Variants in MMP13 observed in about 807,000 individuals in gnomAD.
MMP13 encodes matrix metallopeptidase 13.
A neutral mutation model predicts 52.1 loss-of-function variants in MMP13; 45 were observed. The ratio of observed to expected loss-of-function variants is 0.86; its 90% CI spans 0.68 to 1.11. MMP13 has a LOEUF of 1.11. MMP13 is among the 50% of genes least tolerant of loss of function. MMP13 has a pLI of 0.00. For synonymous variants in MMP13, 200 were observed against 204.4 expected (o/e 0.98, Z 0.18); for missense variants, 576 against 583.8 (o/e 0.99, Z 0.14).
chr11:102,953,861 T>G (rs1189197218), intron 4 of MMP13, among the ~76,000 whole-genome samples: 1 of 152,162 alleles, frequency 6.6e-6, no homozygotes, highest in African/African-American at 2.4e-5. Context: ...AAAAGGTAAT[T>G]TGCAGTAATA....
At chr11:102,948,630 A>T in intron 7 of MMP13, among the ~76,000 whole-genome samples, 1 of 152,292 alleles carries the variant, frequency 6.6e-6, no homozygotes, top group East Asian at 1.9e-4. Context: ...AAATATGTAA[A>T]AATTTGTATT....
Position 102,954,199 on chromosome 11 carries a change from A to G in MMP13, c.594T>C (p.Asp198=), listed in dbSNP as rs1449841908. 1.9e-6 allele frequency: 3 copies of G among 1,613,680 alleles called. No individual in the cohort carries two copies. Among genetic ancestry groups the G allele is most frequent in the Non-Finnish European group, 1.7e-6 (2 of 1,179,722 alleles). The stretch of plus-strand genomic sequence containing the variant: ...AGGTTTCATCATCATCAAAATGGGC[A>G]TCTCCTCCATAATTTGGCCCAGGAG... The part of the protein sequence containing the change: ...AFPPGPNYGG[D]AHFDDDETWT... The change falls in exon 4 of 10, where the codon GAT becomes GAC. Residue 198 remains aspartate (D), a synonymous_variant. Coordinates refer to ENST00000260302, the MANE Select transcript of MMP13 (RefSeq NM_002427.4).
At chr11:102,945,911 C>A (rs1217405056) in intron 8 of MMP13, among the ~76,000 whole-genome samples, 162 bp from the exon 9 acceptor site, 1 of 152,174 alleles carries the variant, frequency 6.6e-6, no homozygotes, top group African/African-American at 2.4e-5. Context: ...AATGAGAATA[C>A]TGAGTGTACA....
At position 102,945,706 on chromosome 11, in the gene MMP13, G is replaced by T; in HGVS notation, c.1255C>A (p.Leu419Ile). The change falls in exon 9 of 10, where the codon CTA becomes ATA. Residue 419 changes from leucine (L) to isoleucine (I), a missense_variant. Physicochemically the swap from Leu to Ile is conservative, Grantham distance 5 (BLOSUM62 2). Coordinates refer to ENST00000260302, the MANE Select transcript of MMP13 (RefSeq NM_002427.4). ...NHIMDKDYPR[L>I]IEEDFPGIGD... The stretch of plus-strand genomic sequence containing the variant: ...ATTCCTGGGAAGTCTTCTTCTATTA[G>T]TCTCGGATAGTCTTTATCCATAATA... 1 of 1,602,654 alleles carries T rather than the reference G, an allele frequency of 6.2e-7. No homozygotes were observed.
chr11:102,948,035 G>T lies in MMP13; in HGVS notation c.1067C>A (p.Ala356Asp), dbSNP rs201397692. ...TTCCAGAATGTCATAACCATTAAGA[G>T]CCCAAAATTTTCTACCTGGAATGAG... ...IFIFRGRKFW[A>D]LNGYDILEGY... Residue 356 changes from alanine to aspartate, a missense_variant, in exon 8 of 10, where the codon GCT becomes GAT. By Grantham distance (126) the Ala-to-Asp change is moderately radical. Transcript: ENST00000260302. The T allele has an allele frequency of 6.2e-7, 1 of 1,613,418 alleles. No individual in the cohort carries two copies. Among genetic ancestry groups the T allele is most frequent in the East Asian group, 2.2e-5 (1 of 44,866 alleles).
At position 102,949,005 on chromosome 11, in the gene MMP13, C is replaced by T. The variant is rs1187471196; in HGVS notation, c.1051+20G>A. 6.2e-7 allele frequency: 1 copy of T among 1,613,302 alleles called. No homozygotes were observed. The highest frequency in any genetic ancestry group is 8.5e-7 in the Non-Finnish European group (1 of 1,179,600). ...TGCCTCCCCTGGTCTTGTGTGAGGACTCCTCTGTGGAAAGCTTACCTCTGA... is the reference window on the plus strand; with the variant it reads ...TGCCTCCCCTGGTCTTGTGTGAGGATTCCTCTGTGGAAAGCTTACCTCTGA... On this transcript the variant is annotated intron_variant, in intron 7 of 9. Coordinates refer to ENST00000260302, the MANE Select transcript of MMP13 (RefSeq NM_002427.4). This position sits in a 1 kb window ranked among gnomAD's most constrained non-coding sequence, Gnocchi z 4.2.
intron 8 of MMP13, among the ~76,000 whole-genome samples, chr11:102,946,382 A>G (rs921596146): frequency 1.3e-5 from 2 of 152,180 alleles, no homozygotes; most frequent in African/African-American, 4.8e-5. Flanking sequence ...AGCTTTTTGA[A>G]TATCTTGGAG....
In MMP13 at chr11:102,954,505, C is replaced by A. The variant is rs998845680; in HGVS notation, c.464G>T (p.Arg155Ile). 6.2e-7 allele frequency: 1 copy of A among 1,613,708 alleles called. No individual in the cohort carries two copies. The highest frequency in any genetic ancestry group is 1.3e-5 in the African/African-American group (1 of 75,016). ...GATGTCAGCAATGCCATCGTGAAGT[C>A]TGGTAAAATTCAGAGGAGTTACATC... ...WSDVTPLNFTRLHDGIADIMI... is the reference protein window; with the variant it reads ...WSDVTPLNFTILHDGIADIMI... The change falls in exon 3 of 10, where the codon AGA (arginine) becomes ATA (isoleucine). Residue 155 changes from arginine (R) to isoleucine (I), a missense_variant. By Grantham distance (97) the Arg-to-Ile change is moderately conservative. Coordinates refer to ENST00000260302, the MANE Select transcript of MMP13 (RefSeq NM_002427.4).
rs1860626290 is a variant in MMP13, at chr11:102,952,270, G to T, written c.638-97C>A. 2 of 1,364,228 alleles carry T rather than the reference G, an allele frequency of 1.5e-6. No individual in the cohort carries two copies. The highest frequency in any genetic ancestry group is 1.2e-5 in the South Asian group (1 of 83,466). The allele number at this position is 1,364,228 out of a possible 1,614,324, so 84.5% of individuals were successfully genotyped here. A position where few individuals can be genotyped will look rare whatever the true frequency, so the allele number is the denominator to read the frequency against. On this transcript the variant is annotated intron_variant, in intron 4 of 9. Transcript: ENST00000260302. This position sits in a 1 kb window ranked among gnomAD's most constrained non-coding sequence, Gnocchi z 4.3. Reference sequence around the variant, plus strand: ...TATCTATCTGGTATGTTTCTTTCTTGGCTATATACTTTCTTTTCTCTTTCT... The same window carrying T: ...TATCTATCTGGTATGTTTCTTTCTTTGCTATATACTTTCTTTTCTCTTTCT...
At position 102,952,180 on chromosome 11, in the gene MMP13, G is replaced by A. The variant is rs781975777; in HGVS notation, c.638-7C>T. On this transcript the variant is annotated splice_region_variant and splice_polypyrimidine_tract_variant and intron_variant, in intron 4 of 9. Transcript: ENST00000260302. The surrounding 1 kb of genome is among the most constrained non-coding windows in gnomAD (Gnocchi z 4.3). Reference sequence around the variant, plus strand: ...ACAAGAAACAAGTTGTAGCCTGTAAGAAAACAAAGAAACAATGAGAAAAAA... The same window carrying A: ...ACAAGAAACAAGTTGTAGCCTGTAAAAAAACAAAGAAACAATGAGAAAAAA... 1.2e-6 allele frequency: 2 copies of A among 1,612,358 alleles called. No individual in the cohort carries two copies. Among genetic ancestry groups the A allele is most frequent in the Non-Finnish European group, 1.7e-6 (2 of 1,178,860 alleles).
chr11:102,944,327 T>C lies in MMP13; in HGVS notation c.1355A>G (p.Tyr452Cys), dbSNP rs1555016402. The C allele has an allele frequency of 6.2e-7, 1 of 1,613,272 alleles. No individual in the cohort carries two copies. Among genetic ancestry groups the C allele is most frequent in the Non-Finnish European group, 8.5e-7 (1 of 1,179,384 alleles). The change falls in exon 10 of 10, where the codon TAC becomes TGC. Residue 452 changes from tyrosine (Y) to cysteine (C), a missense_variant. Coordinates refer to ENST00000260302, the MANE Select transcript of MMP13 (RefSeq NM_002427.4). ...AACAATACGGTTACTCCAGATGCTGTATTCAAACTGTATGGGTCCGTTGAA... is the reference window on the plus strand; with the variant it reads ...AACAATACGGTTACTCCAGATGCTGCATTCAAACTGTATGGGTCCGTTGAA... ...YFFNGPIQFE[Y>C]SIWSNRIVRV... is the part of the protein sequence containing the mutation.
At chr11:102,948,993 C>G (rs1860562596) in intron 7 of MMP13, 32 bp downstream of exon 7, 2 of 1,613,034 alleles carry the variant, frequency 1.2e-6, no homozygotes, top group South Asian at 1.1e-5. Flanking sequence ...CTCCCCTGGT[C>G]TTGTGTGAGG....
In MMP13 at chr11:102,949,197, TA is replaced by T. The variant is rs1226622971; in HGVS notation, c.918-40del. 6.2e-7 allele frequency: 1 copy of T among 1,609,074 alleles called. No homozygotes were observed. Among genetic ancestry groups the T allele is most frequent in the African/African-American group, 1.3e-5 (1 of 74,832 alleles). ...AAAATGGAGTTTTCTGTCACATTTT[TA>T]AATGCAATATTTCTATCCTGCTAGT... On this transcript the variant is annotated intron_variant, in intron 6 of 9. Coordinates refer to ENST00000260302, the MANE Select transcript of MMP13 (RefSeq NM_002427.4). The surrounding 1 kb of genome is among the most constrained non-coding windows in gnomAD (Gnocchi z 4.2).
chr11:102,948,662 GAAAT>G (rs1860555889), intron 7 of MMP13, among the ~76,000 whole-genome samples: 1 of 152,062 alleles, frequency 6.6e-6, no homozygotes, highest in African/African-American at 2.4e-5. Flanking sequence ...ATGAGCAAAT[GAAAT>G]AAACTGAGTT....
chr11:102,946,715 G>A (rs1860513962), intron 8 of MMP13, among the ~76,000 whole-genome samples: 1 of 152,216 alleles, frequency 6.6e-6, no homozygotes, highest in South Asian at 2.1e-4. Flanking sequence ...CTGAGATGCA[G>A]TAAGCAATTA....
chr11:102,954,344 G>C, intron 3 of MMP13, 63 bp from the exon 4 acceptor site: 1 of 1,610,468 alleles, frequency 6.2e-7, no homozygotes, highest in Non-Finnish European at 8.5e-7. Flanking sequence ...ACAGGTGTTT[G>C]GTAAATTAGT....
rs777270631 is a variant in MMP13 at position 102,955,608 on chromosome 11, T to C, written c.98A>G (p.Glu33Gly). The C allele has an allele frequency of 4.3e-6, 7 of 1,613,878 alleles. No homozygotes were observed. Among genetic ancestry groups the C allele is most frequent in the African/African-American group, 2.7e-5 (2 of 74,902 alleles). ...TACCTCTGCAAACTGGAGGTCTTCC[T>C]CAGACAAATCATCTTCATCACCACC... The part of the protein sequence containing the change: ...PSGGDEDDLS[E>G]EDLQFAERYL... The change falls in exon 1 of 10, where the codon GAG becomes GGG. Residue 33 changes from glutamate to glycine, a missense_variant. Physicochemically the swap from Glu to Gly is moderately conservative, Grantham distance 98. Coordinates refer to ENST00000260302, the MANE Select transcript of MMP13 (RefSeq NM_002427.4). The surrounding 1 kb of genome is among the most constrained non-coding windows in gnomAD (Gnocchi z 4.9).
chr11:102,945,992 C>T (rs1173657162), intron 8 of MMP13, among the ~76,000 whole-genome samples: 2 of 152,128 alleles, frequency 1.3e-5, no homozygotes, highest in East Asian at 1.9e-4. Context: ...AAGCTCATTT[C>T]CATTTCACAA....
chr11:102,944,389 A>G (rs782819509), intron 9 of MMP13, 23 bp from the exon 10 acceptor site: 1 of 1,495,348 alleles, frequency 6.7e-7, no homozygotes, highest in South Asian at 1.1e-5. Context: ...GCATAAAGAC[A>G]ATTTCAGAGT....
Sources: allele counts gnomAD v4.1 joint callset (sites outside exome capture counted in the v4.1 genomes callset), GRCh38; gene constraint gnomAD v4.1.1; non-coding constraint Gnocchi (gnomAD v3.1); transcripts MANE v1.5; gene names NCBI Gene and HGNC (gene_info 2026-07-23, HGNC 2026-07-21).